The following KATNA1 variants were observed in gnomAD, a reference collection of about 807,000 sequenced individuals.
The protein encoded by KATNA1 is katanin catalytic subunit A1.
Under a neutral mutation model 62.6 loss-of-function variants are expected in KATNA1, and 42 were observed. That is an observed-to-expected ratio of 0.67 (90% confidence interval 0.52 to 0.87). The LOEUF is 0.87. KATNA1 is among the 40% of genes least tolerant of loss of function. KATNA1 has a pLI of 0.00. For synonymous variants in KATNA1, 186 were observed against 201.9 expected, an observed-to-expected ratio of 0.92 and a Z score of 0.67; for missense variants, 498 against 612.5, an observed-to-expected ratio of 0.81 and a Z score of 1.97.
At chr6:149,633,778 C>G (rs1263729601) in intron 2 of KATNA1, among the ~76,000 whole-genome samples, 1 of 151,330 alleles carries the variant, frequency 6.6e-6, no homozygotes, top group Non-Finnish European at 1.5e-5. Context: ...CTAAATCATA[C>G]TACTAATTTA....
chr6:149,632,350 C>T (rs1158706272), intron 3 of KATNA1, among the ~76,000 whole-genome samples: 2 of 145,732 alleles, frequency 1.4e-5, no homozygotes, highest in Non-Finnish European at 3.0e-5. Context: ...ACTCCAGCCT[C>T]GTGACAGAGT....
intron 1 of KATNA1, among the ~76,000 whole-genome samples, chr6:149,641,658 C>G (rs1043654918): frequency 1.3e-5 from 2 of 152,108 alleles, no homozygotes; most frequent in Non-Finnish European, 2.9e-5. Flanking sequence ...ATTAGTTTAC[C>G]TACAATGCAT....
chr6:149,595,575 G>A (rs1778273020), intron 10 of KATNA1, among the ~76,000 whole-genome samples: 2 of 151,832 alleles, frequency 1.3e-5, no homozygotes, highest in Admixed American at 1.3e-4. Context: ...GAAGAGAAGA[G>A]AAACTGTTAA....
intron 5 of KATNA1, among the ~76,000 whole-genome samples, chr6:149,604,364 G>A (rs1378727880): frequency 1.3e-5 from 2 of 152,184 alleles, no homozygotes; most frequent in African/African-American, 2.4e-5. Context: ...TACTTGGAAA[G>A]CTGTGGCAGG....
intron 3 of KATNA1, among the ~76,000 whole-genome samples, chr6:149,627,722 G>C (rs1423900393): frequency 6.6e-5 from 10 of 151,704 alleles, no homozygotes; most frequent in South Asian, 2.1e-4. Context: ...GATCATCAGG[G>C]GTGGTTTTTA....
At chr6:149,622,150 C>T (rs1470159393) in intron 4 of KATNA1, among the ~76,000 whole-genome samples, 7 of 145,140 alleles carry the variant, frequency 4.8e-5, no homozygotes, top group Non-Finnish European at 9.0e-5. Flanking sequence ...TTTTTTTCCT[C>T]AAGACGGAGT....
chr6:149,631,900 G>A (rs988759041), intron 3 of KATNA1, among the ~76,000 whole-genome samples: 6 of 151,928 alleles, frequency 3.9e-5, no homozygotes, highest in Non-Finnish European at 7.4e-5. Flanking sequence ...TAGGAAGTTG[G>A]GGAAAAAAAG....
At chr6:149,636,653 T>TC (rs1433628400) in intron 2 of KATNA1, among the ~76,000 whole-genome samples, 1 of 151,890 alleles carries the variant, frequency 6.6e-6, no homozygotes, top group Non-Finnish European at 1.5e-5. Context: ...TTTCATTTTT[T>TC]TTTTTTGAGA....
At position 149,614,862 on chromosome 6, in the gene KATNA1, G is replaced by A. The variant is rs150323130; in HGVS notation, c.501+8241C>T. Among the ~76,000 whole-genome samples, 9 of 152,290 alleles carry A rather than the reference G, an allele frequency of 5.9e-5. No individual in the cohort carries two copies. The East Asian group carries it at 9.6e-4, about 16-fold the overall frequency. On this transcript the variant is annotated intron_variant, in intron 4 of 10. Transcript: ENST00000367411. ...CAAAAACTCAACTAAATGGCCTAGC[G>A]CAGTGGCTCACGCCTGTAATCCCAA... is the stretch of plus-strand genomic sequence containing the variant.
At chr6:149,615,155 A>C (rs1165282322) in intron 4 of KATNA1, among the ~76,000 whole-genome samples, 1 of 148,158 alleles carries the variant, frequency 6.7e-6, no homozygotes, top group Non-Finnish European at 1.5e-5. Flanking sequence ...AAAAAAAAAA[A>C]CAACTAAACA....
intron 1 of KATNA1, among the ~76,000 whole-genome samples, chr6:149,644,495 A>G (rs1008842157): frequency 4.0e-5 from 6 of 151,870 alleles, no homozygotes; most frequent in South Asian, 2.1e-4. Flanking sequence ...GACAGGGCAC[A>G]CCTGTAGTCC....
At chr6:149,637,323 G>C (rs1780099463) in intron 2 of KATNA1, among the ~76,000 whole-genome samples, 1 of 152,106 alleles carries the variant, frequency 6.6e-6, no homozygotes, top group African/African-American at 2.4e-5. Flanking sequence ...GAGGTGGGAG[G>C]ATTGTTTGAG....
rs1450147980 is a variant in KATNA1 at position 149,604,726 on chromosome 6, T to C, written c.558A>G (p.Gly186=). The change falls in exon 5 of 11, where the codon GGA becomes GGG. Residue 186 remains glycine, a synonymous_variant. Transcript: ENST00000367411. ...AAGCTTCTACTAAGTCTTTATCATA[T>C]CCGGTACTATCAAATTTATTTGTCT... The part of the protein sequence containing the change: ...EPETNKFDST[G]YDKDLVEALE... The C allele has an allele frequency of 1.9e-6, 3 of 1,612,160 alleles. No homozygotes were observed. The highest frequency in any genetic ancestry group is 2.5e-6 in the Non-Finnish European group (3 of 1,178,190).
At chr6:149,647,219 T>C (rs1780520230) in intron 1 of KATNA1, among the ~76,000 whole-genome samples, 1 of 151,904 alleles carries the variant, frequency 6.6e-6, no homozygotes, top group Non-Finnish European at 1.5e-5. Flanking sequence ...TTGCTCCTAT[T>C]TCTTGGTATA....
Position 149,594,932 on chromosome 6 carries a change from T to C in KATNA1, c.*104A>G, listed in dbSNP as rs1020649150. 2 of 863,556 alleles carry C rather than the reference T, an allele frequency of 2.3e-6. No individual in the cohort carries two copies. The highest frequency in any genetic ancestry group is 3.1e-5 in the Admixed American group (1 of 32,548). 53.5% of individuals were successfully genotyped at this position (863,556 alleles called of 1,614,324 possible). On this transcript the variant is annotated 3_prime_UTR_variant, in exon 11 of 11. Transcript: ENST00000367411. ...CATAAGGGTTTTTTTAAAAAAATCT[T>C]ACCATTATGAAAGTTAAAAAAAATA...
intron 1 of KATNA1, among the ~76,000 whole-genome samples, chr6:149,642,243 C>T (rs1313902653): frequency 1.3e-5 from 2 of 152,140 alleles, no homozygotes; most frequent in Admixed American, 6.5e-5. Context: ...AGCAATGATA[C>T]TAAGTATTGG....
intron 2 of KATNA1, among the ~76,000 whole-genome samples, chr6:149,636,984 A>G (rs1033699254): frequency 6.6e-6 from 1 of 151,682 alleles, no homozygotes; most frequent in South Asian, 2.1e-4. Context: ...GACATAGTTG[A>G]GCCTTGTTAG....
chr6:149,619,368 T>A (rs2115115434), intron 4 of KATNA1, among the ~76,000 whole-genome samples: 2 of 152,198 alleles, frequency 1.3e-5, no homozygotes, highest in Admixed American at 1.3e-4. Context: ...ATCACAGCAC[T>A]CTGGGAGGCT....
intron 4 of KATNA1, among the ~76,000 whole-genome samples, chr6:149,621,878 C>T (rs1202758923): frequency 6.6e-6 from 1 of 152,016 alleles, no homozygotes; most frequent in African/African-American, 2.4e-5. Flanking sequence ...AAATAACTGG[C>T]CTGAATTCTT....
Sources: gnomAD v4.1 joint callset for allele counts (sites outside exome capture counted in the v4.1 genomes callset) on GRCh38, gnomAD v4.1.1 for gene constraint, MANE v1.5 for transcripts, NCBI Gene and HGNC (gene_info 2026-07-23, HGNC 2026-07-21) for gene names.